Variants in VWA8 observed in about 807,000 individuals in gnomAD.
The protein encoded by VWA8 is von Willebrand factor A domain-containing protein 8.
Under a neutral mutation model 241.5 loss-of-function variants are expected in VWA8, and 221 were observed. The observed-to-expected ratio is 0.91, with a 90% CI of 0.82 to 1.02. VWA8 has a LOEUF of 1.02. VWA8 is among the 50% of genes least tolerant of loss of function. The pLI is 0.00. For synonymous variants in VWA8, 852 were observed against 827.1 expected (o/e 1.03, Z -0.52); for missense variants, 2,322 against 2,328.7 (o/e 1.00, Z 0.06).
At chr13:41,871,437 C>T (rs1311069272) in intron 9 of VWA8, among the ~76,000 whole-genome samples, 1 of 152,056 alleles carries the variant, frequency 6.6e-6, no homozygotes, top group African/African-American at 2.4e-5. Context: ...GTATATCTCC[C>T]AATGCTATCC....
intron 40 of VWA8, among the ~76,000 whole-genome samples, chr13:41,596,788 TACACACACACACACACAC>T (rs142774673): frequency 3.7e-5 from 5 of 136,928 alleles, no homozygotes; most frequent in Admixed American, 7.4e-5. Flanking sequence ...AACCAGAAAG[TACACACACACACACACAC>T]ACACACACAC....
chr13:41,628,713 G>A (rs561360380), intron 37 of VWA8, among the ~76,000 whole-genome samples: 238 of 152,290 alleles, frequency 1.6e-3, no homozygotes, highest in African/African-American at 5.0e-3. Flanking sequence ...TCACTTATAA[G>A]TGGGATCTAA....
chr13:41,629,009 C>T (rs940314721), intron 37 of VWA8, among the ~76,000 whole-genome samples: 1 of 152,086 alleles, frequency 6.6e-6, no homozygotes, highest in Non-Finnish European at 1.5e-5. Context: ...CCACTGCACT[C>T]CAGTCTGGCG....
intron 4 of VWA8, among the ~76,000 whole-genome samples, chr13:41,892,455 T>C (rs1566496935): frequency 6.6e-6 from 1 of 152,230 alleles, no homozygotes. Flanking sequence ...TGGCACTGCA[T>C]TGTCCTAGGA....
At chr13:41,708,364 A>G (rs1343661912) in intron 26 of VWA8, among the ~76,000 whole-genome samples, 3 of 152,136 alleles carry the variant, frequency 2.0e-5, no homozygotes, top group African/African-American at 4.8e-5. Context: ...TTGGTCTTAA[A>G]AAAAAAAAAT....
At chr13:41,752,249 G>C (rs2045661765) in intron 21 of VWA8, among the ~76,000 whole-genome samples, 3 of 152,054 alleles carry the variant, frequency 2.0e-5, no homozygotes, top group African/African-American at 7.2e-5. Context: ...GCTCCACTTA[G>C]AAAACTCCTA....
intron 17 of VWA8, among the ~76,000 whole-genome samples, chr13:41,805,994 T>A (rs1270673756): frequency 9.4e-6 from 1 of 105,842 alleles, no homozygotes; most frequent in South Asian, 3.5e-4. Flanking sequence ...CTTAAAAAAT[T>A]CAAAAATAAA....
At chr13:41,755,598 C>T (rs550320543) in intron 21 of VWA8, among the ~76,000 whole-genome samples, 1 of 151,846 alleles carries the variant, frequency 6.6e-6, no homozygotes, top group African/African-American at 2.4e-5. Flanking sequence ...CAGCAGCATG[C>T]AACTCTTTAC....
At chr13:41,680,010 T>G (rs1325591431) in intron 35 of VWA8, among the ~76,000 whole-genome samples, 1 of 152,024 alleles carries the variant, frequency 6.6e-6, no homozygotes, top group East Asian at 1.9e-4. Context: ...GTTTAACTCT[T>G]TTTCATTCCC....
At chr13:41,571,716 C>T (rs536174092) in intron 43 of VWA8, among the ~76,000 whole-genome samples, 81 of 152,316 alleles carry the variant, frequency 5.3e-4, no homozygotes, top group African/African-American at 1.6e-3. Context: ...ACCTCCCAGC[C>T]GCCTGCCTTG....
intron 22 of VWA8, among the ~76,000 whole-genome samples, chr13:41,730,168 A>G (rs1227376945): frequency 6.6e-6 from 1 of 152,180 alleles, no homozygotes; most frequent in Non-Finnish European, 1.5e-5. Flanking sequence ...TACTCAAGAC[A>G]AAGAGAATCA....
intron 20 of VWA8, among the ~76,000 whole-genome samples, chr13:41,776,381 G>C (rs947390537): frequency 6.6e-6 from 1 of 152,158 alleles, no homozygotes; most frequent in Admixed American, 6.5e-5. Flanking sequence ...AGTGTGATGA[G>C]AATGTGACTT....
At chr13:41,670,784 G>T (rs1240159565) in intron 37 of VWA8, among the ~76,000 whole-genome samples, 162 bp downstream of exon 37, 1 of 152,168 alleles carries the variant, frequency 6.6e-6, no homozygotes, top group African/African-American at 2.4e-5. Context: ...TTTAGATGGA[G>T]AATTTGTTTT....
intron 30 of VWA8, among the ~76,000 whole-genome samples, chr13:41,692,563 T>C (rs1477914370): frequency 6.6e-6 from 1 of 152,150 alleles, no homozygotes; most frequent in Non-Finnish European, 1.5e-5. Flanking sequence ...ATTGACTCCA[T>C]GATCAGAAAT....
In VWA8 at chr13:41,587,668, A is replaced by ATT; in HGVS notation, c.5114_5115insAA (p.Gly1706MetfsTer15). 2 of 1,614,066 alleles carry ATT rather than the reference A, an allele frequency of 1.2e-6. No individual in the cohort carries two copies. The highest frequency in any genetic ancestry group is 1.7e-6 in the Non-Finnish European group (2 of 1,179,952). ...GCTTGGGTTTCTGTTGTGGGCTGCCAAGCTGAGGGAAGGAATAACAGAAAA... is the reference window on the plus strand; with the variant it reads ...GCTTGGGTTTCTGTTGTGGGCTGCCATTAGCTGAGGGAAGGAATAACAGAAAA... On this transcript the variant is annotated frameshift_variant and splice_region_variant, in exon 42 of 45. Transcript: ENST00000379310. LOFTEE classifies it high-confidence loss of function.
chr13:41,668,064 T>C (rs1243586350), intron 37 of VWA8, among the ~76,000 whole-genome samples: 1 of 152,178 alleles, frequency 6.6e-6, no homozygotes, highest in Non-Finnish European at 1.5e-5. Flanking sequence ...TCCAGAAGGC[T>C]GAAATGTAGC....
At chr13:41,599,665 G>A (rs1437422408) in intron 40 of VWA8, among the ~76,000 whole-genome samples, 1 of 152,092 alleles carries the variant, frequency 6.6e-6, no homozygotes, top group East Asian at 1.9e-4. Flanking sequence ...TAAACTGGTT[G>A]AACTAAATCT....
chr13:41,915,855 C>T (rs935615777), intron 2 of VWA8, among the ~76,000 whole-genome samples: 1 of 152,146 alleles, frequency 6.6e-6, no homozygotes, highest in African/African-American at 2.4e-5. Context: ...ATACATTTTC[C>T]CTGCTTTTAT....
At chr13:41,843,447 A>G (rs1872145743) in intron 12 of VWA8, among the ~76,000 whole-genome samples, 1 of 152,218 alleles carries the variant, frequency 6.6e-6, no homozygotes, top group Non-Finnish European at 1.5e-5. Flanking sequence ...CTAGAAAAAC[A>G]AGAATAACCT....
Sources: gnomAD v4.1 joint callset for allele counts (sites outside exome capture counted in the v4.1 genomes callset) on GRCh38, gnomAD v4.1.1 for gene constraint, MANE v1.5 for transcripts, NCBI Gene and HGNC (gene_info 2026-07-23, HGNC 2026-07-21) for gene names.